Variants in HORMAD2 observed in about 807,000 individuals in gnomAD.
HORMAD2 encodes HORMA domain-containing protein 2.
HORMAD2 carries 45 observed loss-of-function variants against 38.8 expected under a neutral mutation model. That is an observed-to-expected ratio of 1.16 (90% CI 0.91 to 1.49). The LOEUF is 1.49. Ranked by LOEUF, HORMAD2 falls within the 40% of genes most tolerant of loss-of-function variation. HORMAD2 has a pLI of 0.00. For synonymous variants in HORMAD2, 126 were observed against 122.8 expected (o/e 1.03, Z -0.17); for missense variants, 338 against 367.0 (o/e 0.92, Z 0.65).
intron 5 of HORMAD2, among the ~76,000 whole-genome samples, chr22:30,109,684 C>T (rs978252944): frequency 6.6e-6 from 1 of 152,086 alleles, no homozygotes; most frequent in African/African-American, 2.4e-5. Context: ...ATTTCTATCT[C>T]TATATGTTAC....
At chr22:30,200,948 C>A in the HORMAD2 span, among the ~76,000 whole-genome samples, 2 of 152,034 alleles carry the variant, frequency 1.3e-5, no homozygotes, top group Admixed American at 6.6e-5. Flanking sequence ...CAAGGTTTCA[C>A]CACGTTGACC....
intron 2 of HORMAD2, 30 bp from the exon 3 acceptor site, chr22:30,098,822 A>T (rs1420908308): frequency 6.3e-7 from 1 of 1,590,046 alleles, no homozygotes; most frequent in African/African-American, 1.4e-5. Context: ...AAATAATACT[A>T]ATCTTTTTTC....
intron 10 of HORMAD2, among the ~76,000 whole-genome samples, chr22:30,169,540 C>T (rs1358291200): frequency 6.6e-6 from 1 of 152,168 alleles, no homozygotes; most frequent in Non-Finnish European, 1.5e-5. Context: ...ACTCTGGTCA[C>T]AAACTACAGA....
intron 4 of HORMAD2, among the ~76,000 whole-genome samples, 194 bp downstream of exon 4, chr22:30,103,694 G>A (rs775031836): frequency 1.3e-3 from 117 of 93,348 alleles, no homozygotes; most frequent in Non-Finnish European, 1.8e-3. Context: ...ATGGAGTCTC[G>A]CTCTGTCCCC....
intron 5 of HORMAD2, 55 bp downstream of exon 5, chr22:30,104,492 A>G: frequency 1.4e-6 from 2 of 1,421,822 alleles, no homozygotes; most frequent in Non-Finnish European, 2.0e-6. Context: ...TTATTCTTTA[A>G]AAAAAGAAAT....
chr22:30,166,466 G>A (rs187782799), intron 10 of HORMAD2, among the ~76,000 whole-genome samples: 3 of 152,284 alleles, frequency 2.0e-5, no homozygotes, highest in African/African-American at 7.2e-5. Context: ...TTGATTAAAT[G>A]TAAATGGCCA....
intron 8 of HORMAD2, among the ~76,000 whole-genome samples, chr22:30,119,548 A>C (rs2146124942): frequency 6.6e-6 from 1 of 152,314 alleles, no homozygotes; most frequent in Non-Finnish European, 1.5e-5. Context: ...TGAAGTCGAA[A>C]ATTCCAAGTT....
chr22:30,078,607 CAAAAAAAAA>C (rs55966787), upstream of HORMAD2, among the ~76,000 whole-genome samples: 53 of 28,096 alleles, frequency 1.9e-3, no homozygotes, highest in Admixed American at 4.2e-3. Flanking sequence ...CTCTGTCTCA[CAAAAAAAAA>C]AAAAAAAAAA....
intron 5 of HORMAD2, among the ~76,000 whole-genome samples, chr22:30,111,483 C>T (rs985300808): frequency 6.6e-6 from 1 of 151,688 alleles, no homozygotes; most frequent in Non-Finnish European, 1.5e-5. Context: ...GAGACTCTGT[C>T]TCAAAAAAAA....
chr22:30,164,653 G>A (rs972000365), intron 10 of HORMAD2, among the ~76,000 whole-genome samples: 1 of 151,882 alleles, frequency 6.6e-6, no homozygotes, highest in African/African-American at 2.4e-5. Flanking sequence ...GATTTTGTTT[G>A]TTTTTTTGCT....
At chr22:30,150,932 A>G (rs79065337) in intron 10 of HORMAD2, among the ~76,000 whole-genome samples, 3 of 152,328 alleles carry the variant, frequency 2.0e-5, no homozygotes, top group African/African-American at 4.8e-5. Context: ...TGGAAGAGGA[A>G]CAACTGTTTG....
chr22:30,154,271 T>C (rs980591580), intron 10 of HORMAD2, among the ~76,000 whole-genome samples: 1 of 152,232 alleles, frequency 6.6e-6, no homozygotes, highest in African/African-American at 2.4e-5. Flanking sequence ...ATGTATTGTA[T>C]TAACAGGAAA....
chr22:30,089,711 C>CT (rs1249892964), intron 1 of HORMAD2, among the ~76,000 whole-genome samples: 2 of 152,098 alleles, frequency 1.3e-5, no homozygotes, highest in Admixed American at 1.3e-4. Flanking sequence ...TAAATATTAA[C>CT]TTTTTTATTG....
intron 10 of HORMAD2, among the ~76,000 whole-genome samples, chr22:30,126,612 T>G (rs1237769271): frequency 6.6e-6 from 1 of 152,220 alleles, no homozygotes; most frequent in Non-Finnish European, 1.5e-5. Flanking sequence ...AATTTATAAT[T>G]TTTGTCTATG....
At chr22:30,111,081 G>T (rs1272931601) in intron 5 of HORMAD2, among the ~76,000 whole-genome samples, 1 of 150,916 alleles carries the variant, frequency 6.6e-6, no homozygotes, top group Admixed American at 6.6e-5. Flanking sequence ...GCTTGAACCC[G>T]GGAGGAGGAG....
At chr22:30,087,706 G>GGA (rs142780838) in intron 1 of HORMAD2, among the ~76,000 whole-genome samples, 1 of 150,196 alleles carries the variant, frequency 6.7e-6, no homozygotes, top group Non-Finnish European at 1.5e-5. Context: ...GGCCAAAGCA[G>GGA]GAGAGAGAGA....
At chr22:30,157,369 T>C (rs1378775736) in intron 10 of HORMAD2, among the ~76,000 whole-genome samples, 1 of 152,128 alleles carries the variant, frequency 6.6e-6, no homozygotes, top group Non-Finnish European at 1.5e-5. Context: ...TCCAAGGAAC[T>C]CCAGCCTCTT....
rs1014230036 is a variant in HORMAD2, at chr22:30,118,853, T to A, written c.343-127T>A. The A allele has an allele frequency of 2.1e-5, 14 of 652,338 alleles. No homozygotes were observed. The East Asian group carries it at 3.7e-4, about 17-fold the overall frequency. The allele number at this position is 652,338 out of a possible 1,614,324, so 40.4% of individuals were successfully genotyped here. A position where few individuals can be genotyped will look rare whatever the true frequency, so the allele number is the denominator to read the frequency against. Reference sequence around the variant, plus strand: ...ATTACTCTTGAATAATGTGATACTGTGAAACAAACAGCTATATAGGAAGTA... The same window carrying A: ...ATTACTCTTGAATAATGTGATACTGAGAAACAAACAGCTATATAGGAAGTA... On this transcript the variant is annotated intron_variant, in intron 7 of 10. Coordinates refer to ENST00000336726, the MANE Select transcript of HORMAD2 (RefSeq NM_152510.4).
Position 30,098,886 on chromosome 22 carries a change from A to G in HORMAD2, c.86A>G (p.His29Arg), listed in dbSNP as rs1920926314. ...TTCCCATCCCAAATCACTAATGAGC[A>G]TGAGTCATTGAAAATGGTGAAGAAA... is the stretch of plus-strand genomic sequence containing the variant. ...TVFPSQITNEHESLKMVKKLF... is the reference protein window; with the variant it reads ...TVFPSQITNERESLKMVKKLF... The change falls in exon 3 of 11, where the codon CAT (histidine) becomes CGT (arginine). Residue 29 changes from histidine (H) to arginine (R), a missense_variant. His to Arg is a conservative substitution (Grantham distance 29). Coordinates refer to ENST00000336726, the MANE Select transcript of HORMAD2 (RefSeq NM_152510.4). The G allele has an allele frequency of 1.2e-6, 2 of 1,613,644 alleles. No homozygotes were observed. The highest frequency in any genetic ancestry group is 4.5e-5 in the East Asian group (2 of 44,854).
Sources: gnomAD v4.1 joint callset for allele counts (sites outside exome capture counted in the v4.1 genomes callset) on GRCh38, gnomAD v4.1.1 for gene constraint, MANE v1.5 for transcripts, NCBI Gene and HGNC (gene_info 2026-07-23, HGNC 2026-07-21) for gene names.